The following ANK3 variants were observed in gnomAD, a reference collection of about 807,000 sequenced individuals.
ANK3 encodes the protein ankyrin 3, also known as ankyrin-3.
ANK3 carries 57 observed loss-of-function variants against 370.9 expected under a neutral mutation model. The ratio of observed to expected loss-of-function variants is 0.15; its 90% CI spans 0.12 to 0.19. ANK3 has a LOEUF of 0.19. ANK3 is among the 10% of genes least tolerant of loss of function. ANK3 has a pLI of 1.00. For synonymous variants in ANK3, 1,929 were observed against 1,946.3 expected (o/e 0.99, Z 0.23); for missense variants, 4,439 against 5,302.1 (o/e 0.84, Z 5.06).
At chr10:60,321,596 A>G (rs1431397826) in intron 1 of ANK3, among the ~76,000 whole-genome samples, 1 of 152,166 alleles carries the variant, frequency 6.6e-6, no homozygotes, top group African/African-American at 2.4e-5. Flanking sequence ...AGCTCATTTA[A>G]TTGTCACAGT....
Position 60,203,088 on chromosome 10 carries a change from G to C in ANK3, c.1306C>G (p.Pro436Ala). ...CCCATGAAGGCAGCAACATGGATTG[G>C]GGTAAGGCCCGACTAAGGGGAAAAG... is the stretch of plus-strand genomic sequence containing the variant. The part of the protein sequence containing the change: ...IQAVTESGLT[P>A]IHVAAFMGHV... Residue 436 changes from proline to alanine, a missense_variant, in exon 12 of 44, where the codon CCA becomes GCA. Transcript: ENST00000280772. 6.2e-7 allele frequency: 1 copy of C among 1,613,412 alleles called. No individual in the cohort carries two copies. The highest frequency in any genetic ancestry group is 8.5e-7 in the Non-Finnish European group (1 of 1,179,598).
chr10:60,214,746 T>G (rs914111434), intron 8 of ANK3, among the ~76,000 whole-genome samples: 7 of 152,368 alleles, frequency 4.6e-5, no homozygotes, highest in African/African-American at 1.7e-4. Context: ...CACATTTCCT[T>G]TCTCCAGTCT....
At chr10:60,078,676 C>T (rs750729945) in intron 36 of ANK3, among the ~76,000 whole-genome samples, 5 of 152,112 alleles carry the variant, frequency 3.3e-5, no homozygotes, top group East Asian at 1.9e-4. Flanking sequence ...TGTCAGGCAC[C>T]GAACTAATCC....
chr10:60,275,526 T>C (rs1375190526), intron 4 of ANK3, among the ~76,000 whole-genome samples: 1 of 152,136 alleles, frequency 6.6e-6, no homozygotes, highest in African/African-American at 2.4e-5. Flanking sequence ...TGGTGAAAGA[T>C]TTGCATTGAT....
At chr10:60,267,054 T>G (rs17232638) in intron 5 of ANK3, among the ~76,000 whole-genome samples, 2,950 of 152,306 alleles carry the variant, frequency 0.019, 37 homozygotes, top group South Asian at 0.035. Flanking sequence ...ACAATTATAC[T>G]TAAGTCTTGC....
chr10:60,579,441 G>A (rs543531181), intron 2 of ANK3, among the ~76,000 whole-genome samples: 13 of 151,994 alleles, frequency 8.6e-5, no homozygotes, highest in African/African-American at 2.9e-4. Context: ...TTATTGAAGT[G>A]GGGAGTTTAT....
At chr10:60,167,746 GA>G (rs1565428905) in intron 21 of ANK3, among the ~76,000 whole-genome samples, 2 of 150,754 alleles carry the variant, frequency 1.3e-5, no homozygotes, top group Non-Finnish European at 3.0e-5. Context: ...TGAGACAACT[GA>G]AAAAAAGCCA....
chr10:60,597,875 A>G (rs377425642), intron 2 of ANK3, among the ~76,000 whole-genome samples: 14 of 152,294 alleles, frequency 9.2e-5, no homozygotes, highest in African/African-American at 3.4e-4. Flanking sequence ...GCAATTTTAC[A>G]TATTTCTTCT....
intron 1 of ANK3, among the ~76,000 whole-genome samples, chr10:60,670,100 A>G (rs2079047274): frequency 2.0e-5 from 3 of 152,128 alleles, no homozygotes; most frequent in African/African-American, 7.2e-5. Context: ...GCAGGATTAC[A>G]GGCATGAACC....
chr10:60,424,086 A>G (rs1277970204), intron 2 of ANK3, among the ~76,000 whole-genome samples: 1 of 152,096 alleles, frequency 6.6e-6, no homozygotes, highest in African/African-American at 2.4e-5. Flanking sequence ...ATCAGAGGAC[A>G]ACAAAAGTTT....
At chr10:60,262,012 CAGGCAAAT>C in intron 6 of ANK3, 55 bp from the exon 7 acceptor site, 1 of 1,455,512 alleles carries the variant, frequency 6.9e-7, no homozygotes, top group East Asian at 2.3e-5. Context: ...CCCTGCCTGA[CAGGCAAAT>C]ATCATAACCC....
intron 2 of ANK3, among the ~76,000 whole-genome samples, chr10:60,487,949 G>A (rs1347476213): frequency 6.6e-6 from 1 of 151,992 alleles, no homozygotes; most frequent in Non-Finnish European, 1.5e-5. Context: ...CCCTACCTCA[G>A]GTGATCTGCC....
chr10:60,409,000 T>C (rs1473303093), intron 2 of ANK3, among the ~76,000 whole-genome samples: 1 of 152,220 alleles, frequency 6.6e-6, no homozygotes, highest in Non-Finnish European at 1.5e-5. Context: ...GGCTTCTGCC[T>C]GACTCTCCTG....
chr10:60,026,422 A>G lies in ANK3; in HGVS notation c.*3424T>C, dbSNP rs952103937. 2 of 152,252 alleles carry G rather than the reference A, an allele frequency of 1.3e-5. No individual in the cohort carries two copies. The highest frequency in any genetic ancestry group is 4.8e-5 in the African/African-American group (2 of 41,472). The allele number at this position is 152,252 out of a possible 1,614,324, so 9.4% of individuals were successfully genotyped here. ...ATGTCACAGCCTCTTCAAGCAAATC[A>G]AGAATACCAAGACTCACTCAGATAT... On this transcript the variant is annotated 3_prime_UTR_variant, in exon 44 of 44. Coordinates refer to ENST00000280772, the MANE Select transcript of ANK3 (RefSeq NM_020987.5).
At chr10:60,481,015 G>A (rs2075199994) in intron 2 of ANK3, among the ~76,000 whole-genome samples, 6 of 152,122 alleles carry the variant, frequency 3.9e-5, no homozygotes, top group African/African-American at 1.2e-4. Flanking sequence ...CTGGACTTCC[G>A]AAGCTTAAGT....
intron 1 of ANK3, among the ~76,000 whole-genome samples, chr10:60,709,785 G>A (rs1047292022): frequency 6.8e-5 from 10 of 147,224 alleles, no homozygotes; most frequent in East Asian, 2.0e-4. Context: ...CCATGATTGC[G>A]CCACTACACT....
At chr10:60,588,767 G>T (rs2077869853) in intron 2 of ANK3, among the ~76,000 whole-genome samples, 1 of 151,960 alleles carries the variant, frequency 6.6e-6, no homozygotes, top group East Asian at 1.9e-4. Context: ...AAACATAGTT[G>T]GGCATGGTTG....
chr10:60,389,390 C>G, intron 1 of ANK3, 35 bp downstream of exon 1: 1 of 1,592,280 alleles, frequency 6.3e-7, no homozygotes, highest in Non-Finnish European at 8.6e-7. Context: ...CAAAAAGAAT[C>G]CAGGCAAGAT....
In ANK3 at chr10:60,532,574, G is replaced by T. The variant is rs115237116; in HGVS notation, c.96+82612C>A. 5.0e-3 allele frequency among the ~76,000 whole-genome samples: 754 copies of T among 152,208 alleles called. 9 individuals carry two copies. Among genetic ancestry groups the T allele is most frequent in the African/African-American group, 0.017 (708 of 41,560 alleles). ...TTTTGCTGGATGAGAAGAACTGTTT[G>T]CAGCCCTTGTTAAAACACAGATTGC... On this transcript the variant is annotated intron_variant, in intron 2 of 43. Transcript: ENST00000373827.
Sources: gnomAD v4.1 joint callset for allele counts (sites outside exome capture counted in the v4.1 genomes callset) on GRCh38, gnomAD v4.1.1 for gene constraint, MANE v1.5 for transcripts, NCBI Gene and HGNC (gene_info 2026-07-23, HGNC 2026-07-21) for gene names.